AKAP6: variants seen among roughly 807,000 people sequenced by gnomAD.
AKAP6 encodes the protein A-kinase anchor protein 6.
In AKAP6, 58 loss-of-function variants were observed where a neutral mutation model predicts 188.5. The observed-to-expected ratio is 0.31, with a 90% CI of 0.25 to 0.38. AKAP6 has a LOEUF of 0.38. AKAP6 is among the 10% of genes least tolerant of loss of function. The probability of loss-of-function intolerance (pLI) is 1.00; values close to 1 mark genes in which losing one functional copy is unlikely to be tolerated. For synonymous variants in AKAP6, 989 were observed against 998.6 expected, an observed-to-expected ratio of 0.99 and a Z score of 0.18; for missense variants, 2,710 against 2,740.0, an observed-to-expected ratio of 0.99 and a Z score of 0.24.
At chr14:32,663,735 C>T (rs1341720103) in intron 7 of AKAP6, among the ~76,000 whole-genome samples, 1 of 152,046 alleles carries the variant, frequency 6.6e-6, no homozygotes, top group Non-Finnish European at 1.5e-5. Context: ...GCGTGATGGA[C>T]AGCAAAGGCC....
chr14:32,356,760 T>C (rs1488741337), intron 1 of AKAP6, among the ~76,000 whole-genome samples: 2 of 152,030 alleles, frequency 1.3e-5, no homozygotes, highest in Non-Finnish European at 2.9e-5. Flanking sequence ...TTTAAACATA[T>C]TTGGACTTTC....
chr14:32,353,555 A>G (rs1887366816), intron 1 of AKAP6, among the ~76,000 whole-genome samples: 1 of 152,140 alleles, frequency 6.6e-6, no homozygotes, highest in African/African-American at 2.4e-5. Flanking sequence ...AGCAAGACAC[A>G]GAGATGCCCT....
intron 4 of AKAP6, among the ~76,000 whole-genome samples, chr14:32,551,970 T>C (rs970519524): frequency 1.3e-5 from 2 of 152,150 alleles, no homozygotes; most frequent in African/African-American, 4.8e-5. Context: ...CCGGCCTACA[T>C]TCTGTAATTT....
Position 32,834,653 on chromosome 14 carries a change from C to T in AKAP6, c.*4848C>T, listed in dbSNP as rs765025845. On this transcript the variant is annotated 3_prime_UTR_variant, in exon 14 of 14. Transcript: ENST00000280979. ...GTCCAGGCCAGTTTTGCAGAATGAT[C>T]CACAATCTTGATGGGTCTAGTTGTT... 6.6e-6 allele frequency: 1 copy of T among 150,644 alleles called. No homozygotes were observed. The highest frequency in any genetic ancestry group is 2.4e-5 in the African/African-American group (1 of 40,978). The allele number at this position is 150,644 out of a possible 1,614,324, so 9.3% of individuals were successfully genotyped here.
At chr14:32,348,456 C>T in intron 1 of AKAP6, among the ~76,000 whole-genome samples, 1 of 138,002 alleles carries the variant, frequency 7.2e-6, no homozygotes, top group South Asian at 2.3e-4. Flanking sequence ...CTCTTGTTGC[C>T]CAGGCTAAAG....
chr14:32,451,017 G>A (rs1238963948), intron 2 of AKAP6, among the ~76,000 whole-genome samples: 3 of 152,108 alleles, frequency 2.0e-5, no homozygotes, highest in Non-Finnish European at 4.4e-5. Flanking sequence ...ATATCTGGTA[G>A]TGGAAAAAAT....
chr14:32,724,990 TAAAAAAAAAAAAA>T lies in AKAP6; in HGVS notation c.3001-7449_3001-7437del, dbSNP rs71432079. Among the ~76,000 whole-genome samples the T allele has an allele frequency of 3.2e-4, 11 of 34,916 alleles. No individual in the cohort carries two copies. In the South Asian group the frequency reaches 0.016, roughly 52 times the overall value. The allele number at this position is 34,916 out of a possible 152,430, so 22.9% of individuals were successfully genotyped here. ...GGCTTTGTGTCATTTATATTCAACC[TAAAAAAAAAAAAA>T]AAAAAAAAAAAAAACAATTTTCCTG... On this transcript the variant is annotated intron_variant, in intron 9 of 13. Coordinates refer to ENST00000280979, the MANE Select transcript of AKAP6 (RefSeq NM_004274.5).
At chr14:32,383,867 G>A (rs1888446439) in intron 1 of AKAP6, among the ~76,000 whole-genome samples, 1 of 152,296 alleles carries the variant, frequency 6.6e-6, no homozygotes, top group African/African-American at 2.4e-5. Flanking sequence ...GAGAGGCCAA[G>A]TATCAATCTC....
chr14:32,368,065 T>G (rs1276526003), intron 1 of AKAP6, among the ~76,000 whole-genome samples: 2 of 152,146 alleles, frequency 1.3e-5, no homozygotes, highest in Non-Finnish European at 2.9e-5. Flanking sequence ...TTTCTAGAAA[T>G]TTGAAGGCCC....
At chr14:32,530,104 G>A (rs1882337709) in intron 2 of AKAP6, among the ~76,000 whole-genome samples, 1 of 150,766 alleles carries the variant, frequency 6.6e-6, no homozygotes, top group Non-Finnish European at 1.5e-5. Context: ...ATGGCTCACT[G>A]CAGCCTACAC....
At chr14:32,482,276 A>T (rs1424342279) in intron 2 of AKAP6, among the ~76,000 whole-genome samples, 1 of 152,112 alleles carries the variant, frequency 6.6e-6, no homozygotes, top group Non-Finnish European at 1.5e-5. Flanking sequence ...CTCTCTTCCC[A>T]CTGCCAACAT....
chr14:32,790,093 A>G (rs532656709), intron 12 of AKAP6, among the ~76,000 whole-genome samples: 97 of 152,344 alleles, frequency 6.4e-4, no homozygotes, highest in African/African-American at 2.2e-3. Context: ...TATCAATAGC[A>G]GAATAGACCA....
At chr14:32,682,117 T>C (rs1889703507) in intron 8 of AKAP6, among the ~76,000 whole-genome samples, 3 of 151,862 alleles carry the variant, frequency 2.0e-5, no homozygotes, top group Admixed American at 1.3e-4. Context: ...CAATTCTGAC[T>C]GTGTCAAGTA....
intron 9 of AKAP6, among the ~76,000 whole-genome samples, chr14:32,707,623 A>G (rs1441702439): frequency 6.6e-6 from 1 of 152,092 alleles, no homozygotes; most frequent in African/African-American, 2.4e-5. Context: ...AGTGCCAAGC[A>G]CAGTGCCTGG....
chr14:32,451,649 A>G (rs1385761113), intron 2 of AKAP6, among the ~76,000 whole-genome samples: 2 of 152,210 alleles, frequency 1.3e-5, no homozygotes, highest in African/African-American at 4.8e-5. Flanking sequence ...TTTAAACAAA[A>G]CATTTAATAT....
intron 12 of AKAP6, among the ~76,000 whole-genome samples, chr14:32,804,495 A>G (rs573171201): frequency 6.6e-6 from 1 of 152,310 alleles, no homozygotes; most frequent in South Asian, 2.1e-4. Flanking sequence ...CAAAGATCAC[A>G]TGCTTCAAAG....
intron 12 of AKAP6, among the ~76,000 whole-genome samples, chr14:32,786,816 A>G: frequency 6.6e-6 from 1 of 152,160 alleles, no homozygotes; most frequent in East Asian, 1.9e-4. Flanking sequence ...ATTCCTTTGA[A>G]ATATTTTTAT....
At chr14:32,809,590 G>A (rs952020983) in intron 12 of AKAP6, among the ~76,000 whole-genome samples, 1 of 152,144 alleles carries the variant, frequency 6.6e-6, no homozygotes, top group Admixed American at 6.5e-5. Context: ...ATAAATGCAA[G>A]GTCTGATCAG....
intron 7 of AKAP6, among the ~76,000 whole-genome samples, chr14:32,618,169 A>ATTTTAT (rs1375208962): frequency 2.0e-5 from 3 of 152,142 alleles, no homozygotes; most frequent in Non-Finnish European, 2.9e-5. Context: ...GTACTTGGAA[A>ATTTTAT]TTTTATTTTT....
Sources: gnomAD v4.1 joint callset for allele counts (sites outside exome capture counted in the v4.1 genomes callset) on GRCh38, gnomAD v4.1.1 for gene constraint, MANE v1.5 for transcripts, NCBI Gene and HGNC (gene_info 2026-07-23, HGNC 2026-07-21) for gene names.